Variants in PTPRM observed in about 807,000 individuals in gnomAD.
The protein encoded by PTPRM is receptor-type tyrosine-protein phosphatase mu.
A neutral mutation model predicts 186.7 loss-of-function variants in PTPRM; 47 were observed. The ratio of observed to expected loss-of-function variants is 0.25; its 90% CI spans 0.20 to 0.32. The LOEUF is 0.32. PTPRM is among the 10% of genes least tolerant of loss of function. PTPRM has a pLI of 1.00. For synonymous variants in PTPRM, 668 were observed against 674.9 expected, an observed-to-expected ratio of 0.99 and a Z score of 0.16; for missense variants, 1,494 against 1,865.0, an observed-to-expected ratio of 0.80 and a Z score of 3.66.
Position 7,966,882 on chromosome 18 carries a change from G to A in PTPRM, c.1132+11468G>A, listed in dbSNP as rs1442819714. Among the ~76,000 whole-genome samples, 33 of 127,160 alleles carry A rather than the reference G, an allele frequency of 2.6e-4. 4 individuals carry two copies. The highest frequency in any genetic ancestry group is 8.2e-4 in the African/African-American group (32 of 39,238). The allele number at this position is 127,160 out of a possible 152,430, so 83.4% of individuals were successfully genotyped here. On this transcript the variant is annotated intron_variant, in intron 7 of 32. Transcript: ENST00000580170. Reference sequence around the variant, plus strand: ...AAGGCGGCAGCGAGGCTGGGGGAGGGGCGCCCACCATTGCCCAGGCTTGCT... The same window carrying A: ...AAGGCGGCAGCGAGGCTGGGGGAGGAGCGCCCACCATTGCCCAGGCTTGCT...
intron 1 of PTPRM, among the ~76,000 whole-genome samples, chr18:7,628,754 A>G (rs962484426): frequency 2.6e-5 from 4 of 152,192 alleles, no homozygotes; most frequent in African/African-American, 9.7e-5. Flanking sequence ...GCTGCCCAAC[A>G]AAATAGACCC....
intron 2 of PTPRM, among the ~76,000 whole-genome samples, chr18:7,877,767 G>T (rs1599232349): frequency 1.3e-5 from 2 of 152,140 alleles, no homozygotes; most frequent in Non-Finnish European, 2.9e-5. Flanking sequence ...GCACAGTCCA[G>T]AGTACTTTGC....
At chr18:8,035,586 C>G (rs1568225094) in intron 7 of PTPRM, among the ~76,000 whole-genome samples, 1 of 151,530 alleles carries the variant, frequency 6.6e-6, no homozygotes. Flanking sequence ...TTTTTTTCCC[C>G]CAATATTTTT....
chr18:7,635,638 G>A (rs541220943), intron 1 of PTPRM, among the ~76,000 whole-genome samples: 36 of 152,292 alleles, frequency 2.4e-4, no homozygotes, highest in Non-Finnish European at 4.4e-4. Context: ...TAATGAACTT[G>A]TGAACATTCT....
chr18:7,978,325 T>G (rs1261605095), intron 7 of PTPRM, among the ~76,000 whole-genome samples: 1 of 151,870 alleles, frequency 6.6e-6, no homozygotes, highest in Non-Finnish European at 1.5e-5. Context: ...TCTGCCAGGG[T>G]CATTTAGCTG....
chr18:7,739,773 C>G (rs1456151443), intron 1 of PTPRM, among the ~76,000 whole-genome samples: 1 of 152,214 alleles, frequency 6.6e-6, no homozygotes, highest in Non-Finnish European at 1.5e-5. Flanking sequence ...TTAGAAAACA[C>G]TTCTGGTTCT....
At chr18:7,982,602 A>G (rs2082618370) in intron 7 of PTPRM, among the ~76,000 whole-genome samples, 1 of 152,092 alleles carries the variant, frequency 6.6e-6, no homozygotes, top group Non-Finnish European at 1.5e-5. Context: ...AACCAGTAAC[A>G]TAGTTGTCTA....
At chr18:8,317,529 G>A (rs1344693486) in intron 21 of PTPRM, among the ~76,000 whole-genome samples, 3 of 152,170 alleles carry the variant, frequency 2.0e-5, no homozygotes, top group Admixed American at 6.5e-5. Context: ...TGAAGGCCAT[G>A]GGGCTGGAGG....
At chr18:7,985,082 A>ATT (rs1287365503) in intron 7 of PTPRM, among the ~76,000 whole-genome samples, 2 of 129,028 alleles carry the variant, frequency 1.6e-5, no homozygotes, top group Non-Finnish European at 3.1e-5. Context: ...TACATATATA[A>ATT]ATATATACAT....
intron 1 of PTPRM, among the ~76,000 whole-genome samples, chr18:7,645,363 A>G (rs900754408): frequency 6.6e-6 from 1 of 152,216 alleles, no homozygotes; most frequent in Non-Finnish European, 1.5e-5. Flanking sequence ...CAACAATTCC[A>G]GGAAAATCCT....
chr18:7,859,899 T>C (rs183719742), intron 2 of PTPRM, among the ~76,000 whole-genome samples: 2 of 152,092 alleles, frequency 1.3e-5, no homozygotes, highest in East Asian at 3.9e-4. Flanking sequence ...CTCACAACCA[T>C]TTACATGGAA....
At chr18:7,651,489 T>A (rs999205916) in intron 1 of PTPRM, among the ~76,000 whole-genome samples, 4 of 152,318 alleles carry the variant, frequency 2.6e-5, no homozygotes, top group Admixed American at 2.0e-4. Context: ...TCATGCTACC[T>A]GACTTCAAAC....
intron 5 of PTPRM, among the ~76,000 whole-genome samples, chr18:7,931,230 A>C (rs922749712): frequency 2.5e-4 from 15 of 60,148 alleles, no homozygotes; most frequent in Admixed American, 2.1e-3. Context: ...AGCACCCAAA[A>C]TATTACTGTA....
chr18:8,130,676 T>C (rs2092481978), intron 13 of PTPRM, among the ~76,000 whole-genome samples: 2 of 152,158 alleles, frequency 1.3e-5, no homozygotes, highest in Admixed American at 6.5e-5. Context: ...CAAACCCACA[T>C]GGCCCACTTC....
chr18:7,733,010 C>T (rs1355276288), intron 1 of PTPRM, among the ~76,000 whole-genome samples: 1 of 152,132 alleles, frequency 6.6e-6, no homozygotes, highest in Non-Finnish European at 1.5e-5. Flanking sequence ...GTTTTTGTCT[C>T]ATGACCAGGA....
At chr18:8,252,921 A>G (rs1277476904) in intron 18 of PTPRM, among the ~76,000 whole-genome samples, 1 of 152,172 alleles carries the variant, frequency 6.6e-6, no homozygotes, top group Non-Finnish European at 1.5e-5. Flanking sequence ...GTCTTGATGA[A>G]GTTTCAGGTT....
At chr18:8,057,425 C>CTTTTTTTTTTTTTTTTTTTTTTTTTTTT (rs763829289) in intron 7 of PTPRM, among the ~76,000 whole-genome samples, 14 of 102,542 alleles carry the variant, frequency 1.4e-4, no homozygotes, top group African/African-American at 2.1e-4. Flanking sequence ...TGTGATACTT[C>CTTTTTTTTTTTTTTTTTTTTTTTTTTTT]TTTTTTTTTT....
chr18:8,394,411 C>T, intron 31 of PTPRM, 65 bp from the exon 32 acceptor site: 1 of 1,502,888 alleles, frequency 6.7e-7, no homozygotes, highest in South Asian at 1.3e-5. Context: ...CTTGTTTCCA[C>T]AGGTGTTTGC....
intron 14 of PTPRM, among the ~76,000 whole-genome samples, chr18:8,185,361 C>T (rs557912705): frequency 5.9e-5 from 9 of 152,246 alleles, no homozygotes; most frequent in Admixed American, 5.2e-4. Context: ...CAGGAGGCAC[C>T]GCATGATCTC....
Sources: allele counts gnomAD v4.1 joint callset (sites outside exome capture counted in the v4.1 genomes callset), GRCh38; gene constraint gnomAD v4.1.1; transcripts MANE v1.5; gene names NCBI Gene and HGNC (gene_info 2026-07-23, HGNC 2026-07-21).